The following THRB variants were observed in gnomAD, a reference collection of about 807,000 sequenced individuals.
THRB encodes thyroid hormone receptor beta, also known as nuclear receptor subfamily 1 group A member 2.
THRB carries 12 observed loss-of-function variants against 47.8 expected under a neutral mutation model. That is an observed-to-expected ratio of 0.25 (90% CI 0.16 to 0.41). The LOEUF (loss-of-function observed/expected upper bound fraction) is 0.41, where lower values mean the gene tolerates loss of function less well. THRB is among the 10% of genes least tolerant of loss of function. The probability of loss-of-function intolerance (pLI) is 1.00; values close to 1 mark genes in which losing one functional copy is unlikely to be tolerated. For synonymous variants in THRB, 218 were observed against 212.2 expected (o/e 1.03, Z -0.24); for missense variants, 348 against 589.2 (o/e 0.59, Z 4.24).
intron 1 of THRB, among the ~76,000 whole-genome samples, chr3:24,434,843 G>A (rs1008934507): frequency 6.6e-6 from 1 of 152,182 alleles, no homozygotes; most frequent in Admixed American, 6.5e-5. Context: ...GGAGGAAATA[G>A]ACACTAATTG....
At chr3:24,355,932 G>T (rs1023509625) in intron 1 of THRB, among the ~76,000 whole-genome samples, 6 of 152,018 alleles carry the variant, frequency 3.9e-5, no homozygotes, top group Admixed American at 3.9e-4. Flanking sequence ...ACTCATTCTG[G>T]CAACAACTCT....
intron 3 of THRB, among the ~76,000 whole-genome samples, chr3:24,261,980 A>T (rs1484358531): frequency 1.3e-5 from 2 of 152,096 alleles, no homozygotes; most frequent in Admixed American, 1.3e-4. Flanking sequence ...TGGTGATCTC[A>T]TTCTGTCTCA....
At chr3:24,416,278 G>A (rs559609470) in intron 1 of THRB, among the ~76,000 whole-genome samples, 3 of 151,892 alleles carry the variant, frequency 2.0e-5, no homozygotes, top group South Asian at 2.1e-4. Flanking sequence ...GCCAGTATCC[G>A]CTATCAGGAA....
At chr3:24,200,469 A>G (rs1016887233) in intron 4 of THRB, among the ~76,000 whole-genome samples, 9 of 152,246 alleles carry the variant, frequency 5.9e-5, no homozygotes, top group Non-Finnish European at 1.2e-4. Flanking sequence ...TCAATGGTAT[A>G]CATCACCCTG....
In THRB at chr3:24,258,876, C is replaced by T. The variant is rs142116440; in HGVS notation, c.-42-29875G>A. Among the ~76,000 whole-genome samples the T allele has an allele frequency of 5.7e-3, 863 of 152,276 alleles. 2 individuals are homozygous for T. The highest frequency in any genetic ancestry group is 9.1e-3 in the Non-Finnish European group (621 of 68,014). ...AACCAGGTCACTCTGACTGGAGGCCCCAGCTCTTAACCTCTCAGAAGTACA... is the reference window on the plus strand; with the variant it reads ...AACCAGGTCACTCTGACTGGAGGCCTCAGCTCTTAACCTCTCAGAAGTACA... On this transcript the variant is annotated intron_variant, in intron 3 of 10. Coordinates refer to ENST00000646209, the MANE Select transcript of THRB (RefSeq NM_001354712.2).
intron 1 of THRB, among the ~76,000 whole-genome samples, chr3:24,395,407 T>C (rs1330369392): frequency 6.6e-6 from 1 of 152,060 alleles, no homozygotes; most frequent in Non-Finnish European, 1.5e-5. Context: ...TAAAGGACTA[T>C]TATAACTCAA....
chr3:24,180,641 T>C (rs1471028648), intron 5 of THRB, among the ~76,000 whole-genome samples: 1 of 152,180 alleles, frequency 6.6e-6, no homozygotes, highest in African/African-American at 2.4e-5. Context: ...CCGGGCAGTG[T>C]GGATAGAGGC....
chr3:24,215,687 A>G (rs1325201371), intron 4 of THRB, among the ~76,000 whole-genome samples: 1 of 152,270 alleles, frequency 6.6e-6, no homozygotes, highest in Non-Finnish European at 1.5e-5. Context: ...TCCTGGGCAC[A>G]CAGCTAGACT....
intron 6 of THRB, among the ~76,000 whole-genome samples, chr3:24,152,063 T>C (rs1341527785): frequency 1.3e-5 from 2 of 152,210 alleles, no homozygotes; most frequent in African/African-American, 4.8e-5. Flanking sequence ...GACAACATGT[T>C]AAAAAGGACC....
chr3:24,335,076 C>A (rs146589832), intron 2 of THRB, among the ~76,000 whole-genome samples: 2,106 of 152,264 alleles, frequency 0.014, 25 homozygotes, highest in Middle Eastern at 0.027. Flanking sequence ...CTCTCCCCAC[C>A]AGCACTCCTC....
At chr3:24,355,494 A>G (rs1471470574) in intron 1 of THRB, among the ~76,000 whole-genome samples, 2 of 152,204 alleles carry the variant, frequency 1.3e-5, no homozygotes, top group Non-Finnish European at 1.5e-5. Context: ...GTATGTATCA[A>G]TGTTGAATTT....
chr3:24,131,944 G>T (rs1362324595), intron 9 of THRB, among the ~76,000 whole-genome samples: 2 of 152,206 alleles, frequency 1.3e-5, no homozygotes, highest in African/African-American at 4.8e-5. Context: ...GCTCTCTCAG[G>T]TAGGTCTAGG....
chr3:24,281,463 C>A (rs1350826402), intron 3 of THRB, among the ~76,000 whole-genome samples: 28 of 151,902 alleles, frequency 1.8e-4, no homozygotes, highest in Admixed American at 1.8e-3. Flanking sequence ...GGAACTGGTA[C>A]CAGCCGCTGC....
intron 3 of THRB, among the ~76,000 whole-genome samples, chr3:24,282,027 G>A (rs200563244): frequency 1.6e-5 from 2 of 128,954 alleles, no homozygotes; most frequent in Admixed American, 7.6e-5. Flanking sequence ...ACAGATCAAC[G>A]AGACAGAAAG....
chr3:24,238,268 T>G (rs2150206853), intron 3 of THRB, among the ~76,000 whole-genome samples: 1 of 8,828 alleles, frequency 1.1e-4, no homozygotes, highest in Non-Finnish European at 2.8e-4. Context: ...TGTGTATGTG[T>G]GTGTGTGTGT....
intron 1 of THRB, among the ~76,000 whole-genome samples, chr3:24,353,518 G>A (rs1459038938): frequency 1.3e-5 from 2 of 152,100 alleles, no homozygotes; most frequent in Non-Finnish European, 2.9e-5. Context: ...CAAATAAAGT[G>A]TCTTCATTTT....
At chr3:24,376,910 G>A (rs1348152929) in intron 1 of THRB, among the ~76,000 whole-genome samples, 3 of 152,048 alleles carry the variant, frequency 2.0e-5, no homozygotes, top group African/African-American at 7.2e-5. Context: ...AATAGCTGCT[G>A]TTTCTGCCTG....
rs75500071 is a variant in THRB at position 24,400,176 on chromosome 3, G to A, written c.-260-62805C>T. On this transcript the variant is annotated intron_variant, in intron 1 of 10. Coordinates refer to ENST00000646209, the MANE Select transcript of THRB (RefSeq NM_001354712.2). ...CGTTAGTAAACTAATCAGTGTTCCTGTACAAATATTTAAAATAATTCCAAG... is the reference window on the plus strand; with the variant it reads ...CGTTAGTAAACTAATCAGTGTTCCTATACAAATATTTAAAATAATTCCAAG... 1.8e-3 allele frequency among the ~76,000 whole-genome samples: 267 copies of A among 152,158 alleles called. 1 individual carries two copies. The highest frequency in any genetic ancestry group is 6.2e-3 in the African/African-American group (258 of 41,552).
chr3:24,159,948 C>G (rs537766456), intron 5 of THRB, among the ~76,000 whole-genome samples: 1 of 152,264 alleles, frequency 6.6e-6, no homozygotes, highest in East Asian at 1.9e-4. Flanking sequence ...GTGGTTTACA[C>G]AAATGATTCA....
Sources: gnomAD v4.1 joint callset for allele counts (sites outside exome capture counted in the v4.1 genomes callset) on GRCh38, gnomAD v4.1.1 for gene constraint, MANE v1.5 for transcripts, NCBI Gene and HGNC (gene_info 2026-07-23, HGNC 2026-07-21) for gene names.